The following SAMMSON variants were observed in gnomAD, a reference collection of about 807,000 sequenced individuals.
SAMMSON encodes the protein long intergenic non-protein coding RNA 1212.
intron 7 of SAMMSON, among the ~76,000 whole-genome samples, chr3:70,350,936 T>C (rs1702790310): frequency 6.6e-6 from 1 of 152,072 alleles, no homozygotes; most frequent in African/African-American, 2.4e-5. Flanking sequence ...ACAAGGGGAA[T>C]AGTCAAGATA....
At chr3:70,124,814 C>CAAAAA (rs1208323683) in intron 4 of SAMMSON, among the ~76,000 whole-genome samples, 241 of 53,526 alleles carry the variant, frequency 4.5e-3, no homozygotes, top group Middle Eastern at 0.017. Flanking sequence ...GACTCCATCT[C>CAAAAA]AAAAAAAAAA....
chr3:70,365,089 C>T (rs994409132), intron 9 of SAMMSON, among the ~76,000 whole-genome samples: 5 of 151,542 alleles, frequency 3.3e-5, no homozygotes, highest in Non-Finnish European at 1.5e-5. Context: ...TTCAAAAATA[C>T]AATGTGTCAT....
At chr3:70,261,200 G>A (rs144242253) in intron 6 of SAMMSON, among the ~76,000 whole-genome samples, 3 of 152,222 alleles carry the variant, frequency 2.0e-5, no homozygotes, top group African/African-American at 7.2e-5. Flanking sequence ...AAAGACATTT[G>A]GTGGTCAAAG....
intron 4 of SAMMSON, among the ~76,000 whole-genome samples, chr3:70,232,548 C>T (rs371693558): frequency 5.3e-5 from 8 of 151,834 alleles, no homozygotes; most frequent in East Asian, 1.9e-4. Flanking sequence ...TACAGGTGCC[C>T]GCCACCACGC....
chr3:70,091,897 C>T (rs1206559621), intron 4 of SAMMSON, among the ~76,000 whole-genome samples: 1 of 152,158 alleles, frequency 6.6e-6, no homozygotes, highest in African/African-American at 2.4e-5. Flanking sequence ...CAGTTGAACT[C>T]CATGTGCCTA....
At chr3:70,246,733 GA>G (rs1335305973) in intron 4 of SAMMSON, among the ~76,000 whole-genome samples, 1 of 151,892 alleles carries the variant, frequency 6.6e-6, no homozygotes, top group African/African-American at 2.4e-5. Flanking sequence ...TCCAAACTAC[GA>G]AAGCAAGACT....
chr3:70,263,775 C>G (rs1701889802), intron 6 of SAMMSON, among the ~76,000 whole-genome samples: 1 of 152,118 alleles, frequency 6.6e-6, no homozygotes, highest in Non-Finnish European at 1.5e-5. Flanking sequence ...ATCTCAGTAA[C>G]ACTGTCTGGC....
rs376784182 is a variant in SAMMSON at position 70,204,209 on chromosome 3, A to C, written n.508-44898A>C. Among the ~76,000 whole-genome samples, 11 of 152,298 alleles carry C rather than the reference A, an allele frequency of 7.2e-5. No homozygotes were observed. The South Asian group carries it at 1.7e-3, about 23-fold the overall frequency. ...ACATTTGAAAATAAATTAGCCACAA[A>C]CTACATGAAAGTGGATGCAGTATTC... On this transcript the variant is annotated intron_variant and non_coding_transcript_variant, in intron 4 of 9. Coordinates refer to ENST00000642114, the Ensembl canonical transcript of SAMMSON.
In SAMMSON at chr3:70,431,508, A is replaced by T. The variant is rs565263537; in HGVS notation, n.234-31052A>T. ...TAATAAAATATTTTAATCTGTCTCTAAAAAAATTAGTTTGGAAACAAAGGA... is the reference window on the plus strand; with the variant it reads ...TAATAAAATATTTTAATCTGTCTCTTAAAAAATTAGTTTGGAAACAAAGGA... On this transcript the variant is annotated intron_variant and non_coding_transcript_variant, in intron 2 of 3. Transcript: ENST00000641053. Among the ~76,000 whole-genome samples, 4 of 152,114 alleles carry T rather than the reference A, an allele frequency of 2.6e-5. No homozygotes were observed. The East Asian group carries it at 7.7e-4, about 29-fold the overall frequency.
intron 6 of SAMMSON, chr3:70,272,239 A>G (rs1261450411): frequency 6.6e-6 from 1 of 152,216 alleles, no homozygotes; most frequent in Non-Finnish European, 1.5e-5. Context: ...AAAATGAAAA[A>G]TATTTCTATC....
chr3:70,365,706 C>G (rs557472190), intron 9 of SAMMSON, among the ~76,000 whole-genome samples: 2 of 151,866 alleles, frequency 1.3e-5, no homozygotes, highest in Non-Finnish European at 3.0e-5. Flanking sequence ...CTTACAGAAC[C>G]CACTCAGTTC....
At chr3:70,045,162 T>C (rs921295661) in intron 3 of SAMMSON, among the ~76,000 whole-genome samples, 2 of 125,878 alleles carry the variant, frequency 1.6e-5, no homozygotes, top group Middle Eastern at 4.2e-3. Flanking sequence ...AATTATAATA[T>C]ATTATAATTT....
At chr3:70,360,202 T>A (rs1358900532) in intron 9 of SAMMSON, among the ~76,000 whole-genome samples, 1 of 152,004 alleles carries the variant, frequency 6.6e-6, no homozygotes, top group Non-Finnish European at 1.5e-5. Flanking sequence ...GAGCAAAAGA[T>A]CTCCCGCCAC....
chr3:70,242,685 C>G (rs1184765477), intron 4 of SAMMSON, among the ~76,000 whole-genome samples: 2 of 152,138 alleles, frequency 1.3e-5, no homozygotes, highest in Admixed American at 1.3e-4. Flanking sequence ...GTATATCTAT[C>G]GAAGATAGCA....
intron 3 of SAMMSON, among the ~76,000 whole-genome samples, chr3:70,062,126 A>C (rs2067192869): frequency 6.6e-6 from 1 of 151,984 alleles, no homozygotes; most frequent in South Asian, 2.1e-4. Flanking sequence ...TCTGTGTGCC[A>C]CTGTTTCCTC....
At chr3:70,233,889 T>C (rs12488597) in intron 4 of SAMMSON, among the ~76,000 whole-genome samples, 5,999 of 152,250 alleles carry the variant, frequency 0.039, 186 homozygotes, top group South Asian at 0.11. Flanking sequence ...ATCCACCCAA[T>C]TGAAGGATAT....
intron 9 of SAMMSON, among the ~76,000 whole-genome samples, chr3:70,366,492 G>GTTTTTTTTTTTTTTTTTTTTTTT: frequency 9.9e-6 from 1 of 100,766 alleles, no homozygotes; most frequent in African/African-American, 3.6e-5. Flanking sequence ...GTGTTTTTAT[G>GTTTTTTTTTTTTTTTTTTTTTTT]TTTTTTTTTT....
chr3:70,317,932 T>C (rs913165572), intron 7 of SAMMSON, among the ~76,000 whole-genome samples: 1 of 151,858 alleles, frequency 6.6e-6, no homozygotes, highest in African/African-American at 2.4e-5. Flanking sequence ...GAATTCTTTA[T>C]TGACAGGTTT....
intron 7 of SAMMSON, chr3:70,302,545 A>T (rs1329215501): frequency 6.6e-6 from 1 of 152,182 alleles, no homozygotes; most frequent in East Asian, 1.9e-4. Flanking sequence ...GAATGATTCT[A>T]CTGAAAATCT....
Sources: allele counts gnomAD v4.1 joint callset (sites outside exome capture counted in the v4.1 genomes callset), GRCh38; gene constraint gnomAD v4.1.1; transcripts MANE v1.5; gene names NCBI Gene and HGNC (gene_info 2026-07-23, HGNC 2026-07-21).